The following PCDHGA3 variants were observed in gnomAD, a reference collection of about 807,000 sequenced individuals.
The protein encoded by PCDHGA3 is protocadherin gamma subfamily A, 3, also known as protocadherin gamma-A3.
In PCDHGA3, 40 loss-of-function variants were observed where a neutral mutation model predicts 58.5. That is an observed-to-expected ratio of 0.68 (90% CI 0.53 to 0.89). The LOEUF is 0.89. PCDHGA3 is among the 40% of genes least tolerant of loss of function. PCDHGA3 has a pLI of 0.00. For synonymous variants in PCDHGA3, 530 were observed against 525.7 expected, an observed-to-expected ratio of 1.01 and a Z score of -0.11; for missense variants, 1,223 against 1,195.9, an observed-to-expected ratio of 1.02 and a Z score of -0.33.
chr5:141,350,415 T>C, intron 1 of PCDHGA3: 2 of 1,605,958 alleles, frequency 1.2e-6, no homozygotes, highest in Non-Finnish European at 1.7e-6. Context: ...GCCAAGGATC[T>C]GGGGCTCAGT....
At chr5:141,428,163 C>T (rs759273230) in intron 1 of PCDHGA3, 77 of 1,564,636 alleles carry the variant, frequency 4.9e-5, no homozygotes, top group Non-Finnish European at 6.3e-5. Flanking sequence ...CTGCTGGTTG[C>T]TGTGCGTGAC....
Position 141,344,776 on chromosome 5 carries a change from G to T in PCDHGA3, c.743G>T (p.Arg248Leu), listed in dbSNP as rs774225776. The T allele has an allele frequency of 8.7e-6, 14 of 1,613,948 alleles. No individual in the cohort carries two copies. The highest frequency in any genetic ancestry group is 1.1e-5 in the Non-Finnish European group (13 of 1,179,884). The change falls in exon 1 of 4, where the codon CGT becomes CTT. Residue 248 changes from arginine (R) to leucine (L), a missense_variant. Around this residue, in one of 3 missense-constraint regions of PCDHGA3, gnomAD observed 791 missense variants for 708.5 expected, o/e 1.12. Coordinates refer to ENST00000253812, the MANE Select transcript of PCDHGA3 (RefSeq NM_018916.4). ...CCAATGTTTACTCAGCCTGAGTACCGTGTGAGTGTTTGGGAGAACGTGCCT... is the reference window on the plus strand; with the variant it reads ...CCAATGTTTACTCAGCCTGAGTACCTTGTGAGTGTTTGGGAGAACGTGCCT... ...NPPMFTQPEYRVSVWENVPVG... is the reference protein window; with the variant it reads ...NPPMFTQPEYLVSVWENVPVG...
chr5:141,417,230 T>C (rs2096097492), intron 1 of PCDHGA3: 1 of 152,210 alleles, frequency 6.6e-6, no homozygotes, highest in Non-Finnish European at 1.5e-5. Context: ...AAAAAATTTG[T>C]TGCTTATCTT....
At chr5:141,375,118 A>T in intron 1 of PCDHGA3, 1 of 1,613,984 alleles carries the variant, frequency 6.2e-7, no homozygotes, top group Non-Finnish European at 8.5e-7. Context: ...ATAATGTACC[A>T]GAAGTGGTTG....
intron 1 of PCDHGA3, among the ~76,000 whole-genome samples, chr5:141,349,905 C>T (rs1166811840): frequency 6.6e-6 from 1 of 152,002 alleles, no homozygotes; most frequent in Non-Finnish European, 1.5e-5. Flanking sequence ...AACTAGAAAA[C>T]TGAAATGTAA....
At position 141,476,379 on chromosome 5, in the gene PCDHGA3, T is replaced by TTCA. The variant is rs768549633; in HGVS notation, c.2425-18428_2425-18427insTCA. 9 of 1,614,126 alleles carry TTCA rather than the reference T, an allele frequency of 5.6e-6. No homozygotes were observed. The East Asian group carries it at 2.0e-4, about 36-fold the overall frequency. ...AACCGGGAGACCGGAGAGATGTTTG[T>TTCA]GAACGACCGTCTGGATCGAGAGGAG... On this transcript the variant is annotated intron_variant, in intron 1 of 3. Transcript: ENST00000253812. This position sits in a 1 kb window ranked among gnomAD's most constrained non-coding sequence, Gnocchi z 7.6.
chr5:141,415,404 C>A lies in PCDHGA3; in HGVS notation c.2424+68947C>A, dbSNP rs199662613. On this transcript the variant is annotated intron_variant, in intron 1 of 3. Transcript: ENST00000253812. ...GCTTGACAGGTGTGTCCGGCTCGCA[C>A]TTTGTGGGCGTGGACGGGGTTCGGG... The A allele has an allele frequency of 2.2e-4, 363 of 1,614,238 alleles. 1 individual carries two copies. Among genetic ancestry groups the A allele is most frequent in the Non-Finnish European group, 6.8e-6 (8 of 1,180,048 alleles).
chr5:141,396,326 A>T (rs1198474229), intron 1 of PCDHGA3: 3 of 152,326 alleles, frequency 2.0e-5, no homozygotes, highest in Admixed American at 1.3e-4. Context: ...TCTCTAAAAA[A>T]ACTATTATTA....
Position 141,393,093 on chromosome 5 carries a change from G to A in PCDHGA3, c.2424+46636G>A, listed in dbSNP as rs781611512. On this transcript the variant is annotated intron_variant, in intron 1 of 3. Coordinates refer to ENST00000253812, the MANE Select transcript of PCDHGA3 (RefSeq NM_018916.4). The stretch of plus-strand genomic sequence containing the variant: ...CACCGCGGGCAGGATAGATCGGGAG[G>A]AGCTCTGCGCTCAGAGCCCGCGGTG... 138 of 1,613,502 alleles carry A rather than the reference G, an allele frequency of 8.6e-5. No individual in the cohort carries two copies. The highest frequency in any genetic ancestry group is 1.2e-4 in the Non-Finnish European group (136 of 1,179,914).
rs768704302 is a variant in PCDHGA3 at position 141,383,259 on chromosome 5, C to A, written c.2424+36802C>A. On this transcript the variant is annotated intron_variant, in intron 1 of 3. Coordinates refer to ENST00000253812, the MANE Select transcript of PCDHGA3 (RefSeq NM_018916.4). ...ATAAAATGAATCTTTACCCTATAGA[C>A]GTGGAAATAATAGATATTAATGACA... The A allele has an allele frequency of 5.6e-6, 9 of 1,613,810 alleles. No individual in the cohort carries two copies. In the South Asian group the frequency reaches 6.6e-5, roughly 12 times the overall value.
chr5:141,423,234 C>A (rs1408925478), intron 1 of PCDHGA3: 1 of 1,613,800 alleles, frequency 6.2e-7, no homozygotes, highest in Non-Finnish European at 8.5e-7. Context: ...CCGACAGCAT[C>A]CCCGAAGTCC....
intron 1 of PCDHGA3, chr5:141,394,604 C>G: frequency 6.2e-7 from 1 of 1,613,590 alleles, no homozygotes. Context: ...TGGACAGAGA[C>G]TCGGGCCAGA....
At position 141,450,007 on chromosome 5, in the gene PCDHGA3, T is replaced by TA. The variant is rs57702245; in HGVS notation, c.2425-44800_2425-44799insA. Among the ~76,000 whole-genome samples the TA allele has an allele frequency of 5.9e-4, 19 of 31,956 alleles. No homozygotes were observed. In the African/African-American group the frequency reaches 7.8e-3, roughly 13 times the overall value. 21.0% of individuals were successfully genotyped at this position (31,956 alleles called of 152,430 possible). A position where few individuals can be genotyped will look rare whatever the true frequency, so the allele number is the denominator to read the frequency against. On this transcript the variant is annotated intron_variant, in intron 1 of 3. Coordinates refer to ENST00000253812, the MANE Select transcript of PCDHGA3 (RefSeq NM_018916.4). Reference sequence around the variant, plus strand: ...ACATTGCATTTAGTTGCCATGTCTCTTTTTTTTTTTTTTTTTTGAGACAGG... The same window carrying TA: ...ACATTGCATTTAGTTGCCATGTCTCTATTTTTTTTTTTTTTTTTGAGACAGG...
At chr5:141,397,920 T>C (rs2093586320) in intron 1 of PCDHGA3, 1 of 726,984 alleles carries the variant, frequency 1.4e-6, no homozygotes, top group Non-Finnish European at 2.2e-6. Context: ...CCAGATCTCC[T>C]CGCGCAGCCG....
At chr5:141,405,931 C>CT (rs1439525242) in intron 1 of PCDHGA3, among the ~76,000 whole-genome samples, 2 of 152,062 alleles carry the variant, frequency 1.3e-5, no homozygotes, top group Non-Finnish European at 2.9e-5. Context: ...GCTGATATAA[C>CT]TTTCATGTTC....
In PCDHGA3 at chr5:141,472,994, A is replaced by G. The variant is rs188075835; in HGVS notation, c.2425-21813A>G. Among the ~76,000 whole-genome samples, 1,141 of 151,802 alleles carry G rather than the reference A, an allele frequency of 7.5e-3. 5 individuals carry two copies. The highest frequency in any genetic ancestry group is 0.017 in the Middle Eastern group (5 of 294). ...AGAGTGAAACTCAAAAAAAAAAAAA[A>G]AAAGAAAGAAAAAGAAAAAGAAAGA... On this transcript the variant is annotated intron_variant, in intron 1 of 3. Transcript: ENST00000253812.
chr5:141,473,117 C>A (rs976493841), intron 1 of PCDHGA3, among the ~76,000 whole-genome samples: 4 of 152,140 alleles, frequency 2.6e-5, no homozygotes, highest in Admixed American at 1.3e-4. Flanking sequence ...CTTTACTTGG[C>A]TCTTTGGCAA....
intron 1 of PCDHGA3, among the ~76,000 whole-genome samples, chr5:141,472,015 T>C (rs2099269555): frequency 6.6e-6 from 1 of 152,164 alleles, no homozygotes; most frequent in African/African-American, 2.4e-5. Flanking sequence ...AGGGGCACTA[T>C]ATTGTATGTA....
At chr5:141,433,246 T>C (rs775015156) in intron 1 of PCDHGA3, 1 of 1,462,358 alleles carries the variant, frequency 6.8e-7, no homozygotes, top group Non-Finnish European at 9.3e-7. Flanking sequence ...CAAGCTGGAA[T>C]GCAGCGGTAC....
Sources: gnomAD v4.1 joint callset for allele counts (sites outside exome capture counted in the v4.1 genomes callset) on GRCh38, gnomAD v4.1.1 for gene constraint, gnomAD v4.1.1 regional missense constraint, Gnocchi (gnomAD v3.1) non-coding constraint, MANE v1.5 for transcripts, NCBI Gene and HGNC (gene_info 2026-07-23, HGNC 2026-07-21) for gene names.